PLB1: variants seen among roughly 807,000 people sequenced by gnomAD.
PLB1 encodes phospholipase B1, membrane-associated.
A neutral mutation model predicts 227.4 loss-of-function variants in PLB1; 242 were observed. The ratio of observed to expected loss-of-function variants is 1.06; its 90% CI spans 0.96 to 1.18. The LOEUF (loss-of-function observed/expected upper bound fraction) is 1.18, where lower values mean the gene tolerates loss of function less well. Among genes scored for constraint, PLB1 ranks in the 50% most tolerant of loss-of-function variants. The pLI is 0.00. For missense variants in PLB1, 1,858 were observed against 1,816.3 expected (o/e 1.02, Z -0.42); for synonymous variants, 757 against 682.2 (o/e 1.11, Z -1.71).
At chr2:28,623,258 G>A (rs1321630708) in intron 49 of PLB1, among the ~76,000 whole-genome samples, 1 of 152,190 alleles carries the variant, frequency 6.6e-6, no homozygotes, top group African/African-American at 2.4e-5. Flanking sequence ...GGTCCCTGGG[G>A]TAAAAAAGGA....
At position 28,601,942 on chromosome 2, in the gene PLB1, C is replaced by T. The variant is rs1683976561; in HGVS notation, c.2651C>T (p.Ala884Val). The change falls in exon 38 of 58, where the codon GCC becomes GTC. Residue 884 changes from alanine (A) to valine (V), a missense_variant. Transcript: ENST00000327757. ...AACTTTGTTCACCATCTCCGCAATGCCTTGGACGTCCTGCATAGAGAGGTG... is the reference window on the plus strand; with the variant it reads ...AACTTTGTTCACCATCTCCGCAATGTCTTGGACGTCCTGCATAGAGAGGTG... ...AANFVHHLRN[A>V]LDVLHREVPR... 1 of 1,611,388 alleles carries T rather than the reference C, an allele frequency of 6.2e-7. No homozygotes were observed. The highest frequency in any genetic ancestry group is 8.5e-7 in the Non-Finnish European group (1 of 1,177,648).
chr2:28,607,102 C>T (rs906965421), intron 43 of PLB1, among the ~76,000 whole-genome samples: 1 of 152,138 alleles, frequency 6.6e-6, no homozygotes, highest in African/African-American at 2.4e-5. Context: ...CACGGCAGCT[C>T]CAGGCTCCTT....
intron 20 of PLB1, among the ~76,000 whole-genome samples, chr2:28,569,965 C>CA (rs200866382): frequency 0.076 from 4,777 of 62,748 alleles, 310 homozygotes; most frequent in African/African-American, 0.17. Context: ...GACTCCATCT[C>CA]AAAAAAAAAA....
At chr2:28,579,827 G>A in intron 23 of PLB1, 120 bp downstream of exon 23, 1 of 831,760 alleles carries the variant, frequency 1.2e-6, no homozygotes, top group Non-Finnish European at 2.0e-6. Flanking sequence ...GGTTTGTCTT[G>A]GATCCAGCCT....
chr2:28,632,895 G>A, intron 55 of PLB1, 49 bp from the exon 56 acceptor site: 1 of 1,384,982 alleles, frequency 7.2e-7, no homozygotes, highest in Non-Finnish European at 1.0e-6. Context: ...TGGGGCTCAG[G>A]TAGCAGAGCC....
intron 1 of PLB1, among the ~76,000 whole-genome samples, chr2:28,509,972 G>T (rs1016703766): frequency 7.2e-5 from 11 of 152,168 alleles, no homozygotes; most frequent in Non-Finnish European, 1.0e-4. Context: ...TTCAGGTCTG[G>T]ACGCTTAACA....
intron 56 of PLB1, among the ~76,000 whole-genome samples, chr2:28,635,347 A>G (rs1420055931): frequency 6.6e-6 from 1 of 152,234 alleles, no homozygotes; most frequent in East Asian, 1.9e-4. Flanking sequence ...TTAGAGCTGG[A>G]ACAGACTGAG....
intron 56 of PLB1, among the ~76,000 whole-genome samples, chr2:28,634,408 T>TCCTTTTC (rs1473871752): frequency 6.6e-6 from 1 of 152,168 alleles, no homozygotes; most frequent in African/African-American, 2.4e-5. Flanking sequence ...TATTCCCTGT[T>TCCTTTTC]CCTTTTCCCC....
At chr2:28,512,688 CT>C (rs34213887) in intron 1 of PLB1, among the ~76,000 whole-genome samples, 2,616 of 142,948 alleles carry the variant, frequency 0.018, 58 homozygotes, top group African/African-American at 0.058. Flanking sequence ...TTTCTTTCTT[CT>C]TTTTTTTTTT....
chr2:28,616,744 A>C (rs1686255965), intron 44 of PLB1, among the ~76,000 whole-genome samples: 1 of 152,252 alleles, frequency 6.6e-6, no homozygotes, highest in Non-Finnish European at 1.5e-5. Context: ...GAAGAAATCC[A>C]TCAGAATGAT....
chr2:28,530,414 A>G lies in PLB1; in HGVS notation c.468+635A>G, dbSNP rs114003208. Among the ~76,000 whole-genome samples, 1,151 of 152,324 alleles carry G rather than the reference A, an allele frequency of 7.6e-3. 14 individuals are homozygous for G. Among genetic ancestry groups the G allele is most frequent in the African/African-American group, 0.026 (1,070 of 41,572 alleles). ...CAGCAAAGGGTTTTGGGAGCATTAA[A>G]TGAGGTATTGGATGTGCCTGACACA... On this transcript the variant is annotated intron_variant, in intron 8 of 57. Transcript: ENST00000327757.
chr2:28,552,645 C>T (rs1469502823), intron 16 of PLB1, among the ~76,000 whole-genome samples: 3 of 152,032 alleles, frequency 2.0e-5, no homozygotes, highest in Non-Finnish European at 4.4e-5. Flanking sequence ...GTGGGGCAGA[C>T]GGCCATGATG....
At chr2:28,540,215 A>T in intron 11 of PLB1, 151 bp from the exon 12 acceptor site, 1 of 643,422 alleles carries the variant, frequency 1.6e-6, no homozygotes, top group South Asian at 1.9e-5. Context: ...TATTCTTCTC[A>T]ACATTTATGT....
intron 49 of PLB1, among the ~76,000 whole-genome samples, chr2:28,624,292 AT>A (rs1198305232): frequency 1.3e-5 from 2 of 152,172 alleles, no homozygotes; most frequent in East Asian, 3.8e-4. Context: ...ATTTTTAAAA[AT>A]TTTATATAAA....
At chr2:28,612,768 G>GTTTTTT (rs1279848791) in intron 43 of PLB1, among the ~76,000 whole-genome samples, 1 of 112,476 alleles carries the variant, frequency 8.9e-6, no homozygotes, top group African/African-American at 4.0e-5. Flanking sequence ...ACCACACCTG[G>GTTTTTT]ATTTTTTTTT....
chr2:28,606,059 A>G lies in PLB1; in HGVS notation c.3057+111A>G. Reference sequence around the variant, plus strand: ...AGGCTGAGGGGGCAGTGGCTGGTACATCTATAAACGTCTATGCAGTTGGAA... The same window carrying G: ...AGGCTGAGGGGGCAGTGGCTGGTACGTCTATAAACGTCTATGCAGTTGGAA... On this transcript the variant is annotated intron_variant, in intron 42 of 57. Transcript: ENST00000327757. The G allele has an allele frequency of 3.6e-6, 3 of 843,992 alleles. No homozygotes were observed. The Admixed American group carries it at 6.6e-5, about 18-fold the overall frequency. The allele number at this position is 843,992 out of a possible 1,614,324, so 52.3% of individuals were successfully genotyped here.
At chr2:28,566,471 A>C in intron 19 of PLB1, 1 of 314,822 alleles carries the variant, frequency 3.2e-6, no homozygotes, top group Admixed American at 4.4e-5. Flanking sequence ...TGCAGTGGCT[A>C]GTTGGAAAGG....
intron 9 of PLB1, among the ~76,000 whole-genome samples, chr2:28,532,802 T>C (rs116788117): frequency 6.6e-6 from 1 of 152,342 alleles, no homozygotes; most frequent in African/African-American, 2.4e-5. Flanking sequence ...TTTATTGAAG[T>C]AGACTGTATC....
At chr2:28,587,474 G>A (rs1046071753) in intron 26 of PLB1, among the ~76,000 whole-genome samples, 55 of 152,322 alleles carry the variant, frequency 3.6e-4, no homozygotes, top group African/African-American at 1.3e-3. Context: ...GTCGGACGTG[G>A]TGGCACATGC....
Sources: allele counts gnomAD v4.1 joint callset (sites outside exome capture counted in the v4.1 genomes callset), GRCh38; gene constraint gnomAD v4.1.1; transcripts MANE v1.5; gene names NCBI Gene and HGNC (gene_info 2026-07-23, HGNC 2026-07-21).